Variants in VAV3 observed in about 807,000 individuals in gnomAD.
The protein encoded by VAV3 is guanine nucleotide exchange factor VAV3.
VAV3 carries 94 observed loss-of-function variants against 131.2 expected under a neutral mutation model. The observed-to-expected ratio is 0.72, with a 90% CI of 0.61 to 0.85. VAV3 has a LOEUF of 0.85. Among genes scored for constraint, VAV3 ranks in the 40% least tolerant of loss-of-function variants. VAV3 has a pLI of 0.00. For missense variants in VAV3, 939 were observed against 1,002.7 expected (o/e 0.94, Z 0.86); for synonymous variants, 349 against 342.0 (o/e 1.02, Z -0.22).
At chr1:107,960,939 T>C (rs570540900) in intron 1 of VAV3, among the ~76,000 whole-genome samples, 1 of 151,064 alleles carries the variant, frequency 6.6e-6, no homozygotes, top group Non-Finnish European at 1.5e-5. Flanking sequence ...ATACAATAAA[T>C]TGTATGTAAA....
chr1:107,612,761 C>G (rs1445552272), intron 21 of VAV3, among the ~76,000 whole-genome samples: 2 of 152,046 alleles, frequency 1.3e-5, no homozygotes, highest in African/African-American at 4.8e-5. Flanking sequence ...TTTGAGGTTT[C>G]CTCTCTCTGA....
chr1:107,803,258 A>ATTG lies in VAV3; in HGVS notation c.322-23769_322-23767dup, dbSNP rs1666910603. Among the ~76,000 whole-genome samples, 3 of 151,830 alleles carry ATTG rather than the reference A, an allele frequency of 2.0e-5. No homozygotes were observed. The South Asian group carries it at 6.2e-4, about 32-fold the overall frequency. On this transcript the variant is annotated intron_variant, in intron 2 of 26. Transcript: ENST00000370056. The stretch of plus-strand genomic sequence containing the variant: ...GTAGTCTATTTAAAGGTTTGTCAAT[A>ATTG]TTGTTTATCTTTTCAGAAAACCAAC...
intron 2 of VAV3, among the ~76,000 whole-genome samples, chr1:107,822,613 C>T (rs1381566302): frequency 1.3e-5 from 2 of 151,536 alleles, no homozygotes; most frequent in Non-Finnish European, 2.9e-5. Flanking sequence ...CGAGATCGTG[C>T]CACTGCACTC....
intron 2 of VAV3, among the ~76,000 whole-genome samples, chr1:107,848,400 G>C (rs995570228): frequency 6.6e-6 from 1 of 151,362 alleles, no homozygotes; most frequent in Non-Finnish European, 1.5e-5. Flanking sequence ...TTTCATCCCT[G>C]GGATGCAAGG....
At chr1:107,865,085 C>T (rs909379874) in intron 2 of VAV3, among the ~76,000 whole-genome samples, 1 of 152,304 alleles carries the variant, frequency 6.6e-6, no homozygotes, top group African/African-American at 2.4e-5. Context: ...GGCCATTTTA[C>T]AGATCAAAAC....
At chr1:107,581,170 T>G (rs979127683) in intron 25 of VAV3, among the ~76,000 whole-genome samples, 1 of 152,252 alleles carries the variant, frequency 6.6e-6, no homozygotes, top group Admixed American at 6.5e-5. Flanking sequence ...CCTTTTTCAA[T>G]AGGTAATCAT....
At chr1:107,574,617 T>C (rs1323470758) in intron 25 of VAV3, among the ~76,000 whole-genome samples, 1 of 152,208 alleles carries the variant, frequency 6.6e-6, no homozygotes, top group Non-Finnish European at 1.5e-5. Flanking sequence ...AAGCTTTATG[T>C]TTTTATCCAG....
At chr1:107,704,250 TTA>T (rs1660312135) in intron 17 of VAV3, among the ~76,000 whole-genome samples, 1 of 152,190 alleles carries the variant, frequency 6.6e-6, no homozygotes, top group Non-Finnish European at 1.5e-5. Context: ...TTGTATGGTT[TTA>T]GTCATTTATT....
chr1:107,834,259 C>T (rs1668378312), intron 2 of VAV3, among the ~76,000 whole-genome samples: 1 of 152,116 alleles, frequency 6.6e-6, no homozygotes, highest in Admixed American at 6.6e-5. Flanking sequence ...TATTCCAAAA[C>T]CACATATACC....
intron 1 of VAV3, among the ~76,000 whole-genome samples, chr1:107,943,300 G>A (rs531694484): frequency 6.6e-6 from 1 of 152,006 alleles, no homozygotes; most frequent in Non-Finnish European, 1.5e-5. Flanking sequence ...AGTTGAGGTT[G>A]GTCATATCAC....
chr1:107,822,850 CT>C (rs1174793402), intron 2 of VAV3, among the ~76,000 whole-genome samples: 1 of 152,070 alleles, frequency 6.6e-6, no homozygotes, highest in Non-Finnish European at 1.5e-5. Flanking sequence ...ATACCAGGCA[CT>C]TTTCTAGGTA....
At chr1:107,875,137 C>T in intron 1 of VAV3, 120 bp from the exon 2 acceptor site, 1 of 860,662 alleles carries the variant, frequency 1.2e-6, no homozygotes, top group Non-Finnish European at 1.9e-6. Context: ...TTTGAAGTTG[C>T]TTTTCAATTA....
chr1:107,614,770 T>TA (rs1014712616), intron 21 of VAV3, among the ~76,000 whole-genome samples: 1 of 152,138 alleles, frequency 6.6e-6, no homozygotes, highest in African/African-American at 2.4e-5. Flanking sequence ...AGTAATTTAT[T>TA]AAATGCCTAC....
At chr1:107,665,969 CT>C (rs1274799402) in intron 19 of VAV3, among the ~76,000 whole-genome samples, 2 of 152,162 alleles carry the variant, frequency 1.3e-5, no homozygotes, top group African/African-American at 4.8e-5. Context: ...AAAAAGGAAA[CT>C]ATTCCAGAAT....
chr1:107,831,051 G>A (rs1668225760), intron 2 of VAV3, among the ~76,000 whole-genome samples: 1 of 152,118 alleles, frequency 6.6e-6, no homozygotes, highest in Non-Finnish European at 1.5e-5. Context: ...TATCTGAAAT[G>A]CTTGGGACCA....
chr1:107,596,812 G>C (rs1651429859), intron 24 of VAV3, among the ~76,000 whole-genome samples: 1 of 152,156 alleles, frequency 6.6e-6, no homozygotes, highest in South Asian at 2.1e-4. Flanking sequence ...GTAAACAAAA[G>C]TTGATAAAGC....
chr1:107,683,456 C>T (rs767130179), intron 19 of VAV3, 32 bp downstream of exon 19: 25 of 1,612,520 alleles, frequency 1.6e-5, no homozygotes, highest in Non-Finnish European at 2.1e-5. Context: ...TAGCTGAAGC[C>T]ATAATTATGG....
chr1:107,878,970 G>GA (rs1032180515), intron 1 of VAV3, among the ~76,000 whole-genome samples: 18 of 151,780 alleles, frequency 1.2e-4, no homozygotes, highest in Admixed American at 1.1e-3. Flanking sequence ...TCAAAAAACA[G>GA]AAAAAAAGCT....
Position 107,753,612 on chromosome 1 carries a change from T to C in VAV3, c.1173+1815A>G, listed in dbSNP as rs1050349267. 2.7e-5 allele frequency among the ~76,000 whole-genome samples: 4 copies of C among 150,002 alleles called. No homozygotes were observed. The South Asian group carries it at 8.5e-4, about 32-fold the overall frequency. On this transcript the variant is annotated intron_variant, in intron 12 of 26. Transcript: ENST00000370056. ...TCTCGCTCTGTTGCCTAGGCTGCAG[T>C]GCAGTGGCATGATCTCGGTTCACTG...
Sources: gnomAD v4.1 joint callset for allele counts (sites outside exome capture counted in the v4.1 genomes callset) on GRCh38, gnomAD v4.1.1 for gene constraint, MANE v1.5 for transcripts, NCBI Gene and HGNC (gene_info 2026-07-23, HGNC 2026-07-21) for gene names.